SPDYA: variants seen among roughly 807,000 people sequenced by gnomAD.
SPDYA encodes speedy protein A.
In SPDYA, 11 loss-of-function variants were observed where a neutral mutation model predicts 36.7. The observed-to-expected ratio is 0.30, with a 90% CI of 0.19 to 0.50. The LOEUF is 0.50. Among genes scored for constraint, SPDYA ranks in the 20% least tolerant of loss-of-function variants. The pLI is 0.98. For missense variants in SPDYA, 287 were observed against 370.9 expected (o/e 0.77, Z 1.86); for synonymous variants, 115 against 118.7 (o/e 0.97, Z 0.20).
intron 6 of SPDYA, among the ~76,000 whole-genome samples, chr2:28,833,515 T>C (rs918287561): frequency 2.0e-5 from 3 of 152,204 alleles, no homozygotes; most frequent in Non-Finnish European, 2.9e-5. Context: ...TCACCTTATA[T>C]AGAGTAGTAT....
At chr2:28,828,572 G>A (rs1300467371) in intron 5 of SPDYA, among the ~76,000 whole-genome samples, 7 of 152,074 alleles carry the variant, frequency 4.6e-5, no homozygotes, top group Non-Finnish European at 8.8e-5. Context: ...TTGATTAGTC[G>A]CCTTATGATG....
At chr2:28,814,339 CAAAA>C (rs1005197323) in intron 1 of SPDYA, among the ~76,000 whole-genome samples, 1 of 149,942 alleles carries the variant, frequency 6.7e-6, no homozygotes, top group Non-Finnish European at 1.5e-5. Context: ...TCTAAAGTAA[CAAAA>C]AAAAGAAAAA....
chr2:28,816,097 C>T lies in SPDYA; in HGVS notation c.83C>T (p.Pro28Leu), dbSNP rs775165818. The T allele has an allele frequency of 4.3e-6, 7 of 1,613,916 alleles. No homozygotes were observed. In the South Asian group the frequency reaches 7.7e-5, roughly 18 times the overall value. Residue 28 changes from proline to leucine, a missense_variant, in exon 3 of 8, where the codon CCT becomes CTT. Coordinates refer to ENST00000334056, the MANE Select transcript of SPDYA (RefSeq NM_182756.4). ...VKSGSNRSHQ[P>L]KKPITLKRPI... ...TCAGGGTCAAATAGATCACATCAGC[C>T]TAAAAAGCCCATTACTCTGAAGCGT...
chr2:28,811,728 G>T lies in SPDYA; in HGVS notation c.-93+781G>T, dbSNP rs1667850631. Reference sequence around the variant, plus strand: ...TCCCAGCTACTTGGGAGGCTGAGGCGGGAGAATCGCTTGAACCCTGGAAGC... The same window carrying T: ...TCCCAGCTACTTGGGAGGCTGAGGCTGGAGAATCGCTTGAACCCTGGAAGC... On this transcript the variant is annotated intron_variant, in intron 1 of 7. Transcript: ENST00000334056. This position sits in a 1 kb window ranked among gnomAD's most constrained non-coding sequence, Gnocchi z 4.2. Among the ~76,000 whole-genome samples, 1 of 151,982 alleles carries T rather than the reference G, an allele frequency of 6.6e-6. No homozygotes were observed. The highest frequency in any genetic ancestry group is 2.4e-5 in the African/African-American group (1 of 41,324).
chr2:28,848,283 T>C (rs1668933509), intron 7 of SPDYA, among the ~76,000 whole-genome samples: 1 of 152,208 alleles, frequency 6.6e-6, no homozygotes, highest in East Asian at 1.9e-4. Context: ...TTACTTAAAT[T>C]CTTCAATGGA....
intron 3 of SPDYA, 137 bp from the exon 4 acceptor site, chr2:28,818,911 C>T (rs1463425841): frequency 4.8e-6 from 3 of 626,792 alleles, no homozygotes; most frequent in Non-Finnish European, 8.2e-6. Context: ...ACTGAAAACT[C>T]CACCTTAGGC....
intron 3 of SPDYA, among the ~76,000 whole-genome samples, chr2:28,818,737 A>G (rs933809198): frequency 5.3e-5 from 8 of 152,248 alleles, no homozygotes; most frequent in Non-Finnish European, 8.8e-5. Context: ...AGAGATAAAT[A>G]GGAGAGAAGA....
At chr2:28,833,137 T>G (rs1247336758) in intron 6 of SPDYA, among the ~76,000 whole-genome samples, 2 of 152,142 alleles carry the variant, frequency 1.3e-5, no homozygotes, top group African/African-American at 4.8e-5. Context: ...TATGCAGCTA[T>G]AATCTATTCT....
chr2:28,845,396 C>T (rs1289409558), intron 7 of SPDYA, among the ~76,000 whole-genome samples: 1 of 151,748 alleles, frequency 6.6e-6, no homozygotes, highest in Admixed American at 6.6e-5. Context: ...GCACCTGGCC[C>T]AAATGCATTT....
intron 4 of SPDYA, among the ~76,000 whole-genome samples, chr2:28,819,839 AAAAAAAAAAAATATATATATATATATAT>A (rs1298670998): frequency 4.0e-4 from 20 of 49,736 alleles, no homozygotes; most frequent in African/African-American, 1.6e-3. Flanking sequence ...AAAAAAAAAA[AAAAAAAAAAAATATATATATATATATAT>A]ATATATATAT....
intron 6 of SPDYA, among the ~76,000 whole-genome samples, chr2:28,831,036 ACCAGAAACTAT>A (rs1668468397): frequency 6.6e-6 from 1 of 152,204 alleles, no homozygotes; most frequent in African/African-American, 2.4e-5. Flanking sequence ...GTAAATACAT[ACCAGAAACTAT>A]ATTATTTCTT....
intron 1 of SPDYA, among the ~76,000 whole-genome samples, chr2:28,814,339 C>CA (rs1005197323): frequency 4.0e-5 from 6 of 150,060 alleles, no homozygotes; most frequent in South Asian, 2.1e-4. Flanking sequence ...TCTAAAGTAA[C>CA]AAAAAAAAGA....
rs187112265 is a variant in SPDYA, at chr2:28,823,538, C to T, written c.380+1128C>T. Among the ~76,000 whole-genome samples the T allele has an allele frequency of 2.3e-3, 342 of 148,080 alleles. 2 individuals carry two copies. The highest frequency in any genetic ancestry group is 7.9e-3 in the African/African-American group (319 of 40,240). On this transcript the variant is annotated intron_variant, in intron 5 of 7. Coordinates refer to ENST00000334056, the MANE Select transcript of SPDYA (RefSeq NM_182756.4). Reference sequence around the variant, plus strand: ...ACTCGGTAGGCTGAGGCAGGAGAATCGCTTGAACCCGGGAGGTGGAGGTTG... The same window carrying T: ...ACTCGGTAGGCTGAGGCAGGAGAATTGCTTGAACCCGGGAGGTGGAGGTTG...
intron 5 of SPDYA, among the ~76,000 whole-genome samples, chr2:28,827,257 A>G (rs779161908): frequency 6.6e-6 from 1 of 151,708 alleles, no homozygotes; most frequent in Non-Finnish European, 1.5e-5. Context: ...GCTATTTTCT[A>G]TCTGTGTTTC....
chr2:28,816,807 T>C (rs1667992996), intron 3 of SPDYA, among the ~76,000 whole-genome samples: 1 of 152,108 alleles, frequency 6.6e-6, no homozygotes, highest in African/African-American at 2.4e-5. Context: ...TTTCTTAACA[T>C]TGGCAAAAAG....
chr2:28,818,631 C>A (rs1447285147), intron 3 of SPDYA, among the ~76,000 whole-genome samples: 3 of 151,558 alleles, frequency 2.0e-5, no homozygotes, highest in Non-Finnish European at 4.4e-5. Flanking sequence ...TCTTTTTATC[C>A]TAATAGTTTT....
intron 6 of SPDYA, among the ~76,000 whole-genome samples, chr2:28,832,037 A>T (rs1668490926): frequency 6.6e-6 from 1 of 152,234 alleles, no homozygotes; most frequent in Admixed American, 6.5e-5. Context: ...AATAAAAACA[A>T]AAACAAAAAC....
At chr2:28,838,691 G>T (rs1379128059) in intron 6 of SPDYA, among the ~76,000 whole-genome samples, 2 of 152,200 alleles carry the variant, frequency 1.3e-5, no homozygotes, top group South Asian at 4.1e-4. Flanking sequence ...ACAGTTTTTG[G>T]CTGAGCGAGG....
Position 28,840,464 on chromosome 2 carries a change from C to G in SPDYA, c.845C>G (p.Ser282Cys). 6.2e-7 allele frequency: 1 copy of G among 1,613,572 alleles called. No individual in the cohort carries two copies. The highest frequency in any genetic ancestry group is 1.1e-5 in the South Asian group (1 of 90,944). The change falls in exon 7 of 8, where the codon TCT becomes TGT. Residue 282 changes from serine to cysteine, a missense_variant. Physicochemically the swap from Ser to Cys is moderately radical, Grantham distance 112. Coordinates refer to ENST00000334056, the MANE Select transcript of SPDYA (RefSeq NM_182756.4). ...GATCCTTCTCAAGCTTATACTGGTTCTGAAGGTATGATTTAGTAATATGCC... is the reference window on the plus strand; with the variant it reads ...GATCCTTCTCAAGCTTATACTGGTTGTGAAGGTATGATTTAGTAATATGCC... ...IGDPSQAYTG[S>C]EVVNDHQSNK...
Sources: allele counts gnomAD v4.1 joint callset (sites outside exome capture counted in the v4.1 genomes callset), GRCh38; gene constraint gnomAD v4.1.1; non-coding constraint Gnocchi (gnomAD v3.1); transcripts MANE v1.5; gene names NCBI Gene and HGNC (gene_info 2026-07-23, HGNC 2026-07-21).